The following RORA variants were observed in gnomAD, a reference collection of about 807,000 sequenced individuals.
RORA encodes the protein RAR related orphan receptor A, also known as nuclear receptor ROR-alpha.
RORA carries 7 observed loss-of-function variants against 69.5 expected under a neutral mutation model. The ratio of observed to expected loss-of-function variants is 0.10; its 90% CI spans 0.06 to 0.19. The LOEUF (loss-of-function observed/expected upper bound fraction) is 0.19. Ranked by LOEUF, RORA falls within the 10% of genes least tolerant of loss-of-function variation. The pLI, the probability that RORA is intolerant of heterozygous loss-of-function variation, is 1.00. For synonymous variants in RORA, 261 were observed against 240.8 expected, an observed-to-expected ratio of 1.08 and a Z score of -0.78; for missense variants, 457 against 663.0, an observed-to-expected ratio of 0.69 and a Z score of 3.41.
chr15:61,047,025 T>G (rs1897062964), intron 1 of RORA, among the ~76,000 whole-genome samples: 1 of 152,232 alleles, frequency 6.6e-6, no homozygotes, highest in South Asian at 2.1e-4. Flanking sequence ...ACCTAGTCCT[T>G]CATTTCTTAC....
intron 1 of RORA, among the ~76,000 whole-genome samples, chr15:61,078,966 G>C (rs1300695278): frequency 6.6e-6 from 1 of 152,130 alleles, no homozygotes; most frequent in Non-Finnish European, 1.5e-5. Context: ...AGAAAACCCA[G>C]AGTCCATATG....
intron 2 of RORA, among the ~76,000 whole-genome samples, chr15:60,649,581 A>G (rs1230983887): frequency 6.6e-6 from 1 of 152,228 alleles, no homozygotes; most frequent in African/African-American, 2.4e-5. Context: ...GTGTTGAAAC[A>G]CATTTGCCAG....
At chr15:60,792,161 A>C (rs1050649451) in intron 1 of RORA, among the ~76,000 whole-genome samples, 1 of 152,214 alleles carries the variant, frequency 6.6e-6, no homozygotes, top group Non-Finnish European at 1.5e-5. Context: ...TATAATGAAA[A>C]AAAATACTAC....
chr15:60,539,739 G>C (rs1305453605), intron 2 of RORA, among the ~76,000 whole-genome samples: 1 of 149,320 alleles, frequency 6.7e-6, no homozygotes, highest in South Asian at 2.1e-4. Flanking sequence ...TTTTCTTTTT[G>C]TTTTTCCTCT....
At chr15:61,023,048 C>T (rs1291071757) in intron 1 of RORA, among the ~76,000 whole-genome samples, 1 of 151,828 alleles carries the variant, frequency 6.6e-6, no homozygotes, top group Non-Finnish European at 1.5e-5. Context: ...ATTAGCTGGG[C>T]GTGGTGGCGG....
At chr15:61,035,514 A>G (rs1896412066) in intron 1 of RORA, among the ~76,000 whole-genome samples, 2 of 152,138 alleles carry the variant, frequency 1.3e-5, no homozygotes, top group Non-Finnish European at 2.9e-5. Context: ...TGAATCACAC[A>G]GCTGGGGTTA....
chr15:61,035,182 T>A (rs565407121), intron 1 of RORA, among the ~76,000 whole-genome samples: 1 of 152,310 alleles, frequency 6.6e-6, no homozygotes, highest in South Asian at 2.1e-4. Context: ...CAGCCCATAA[T>A]AGAAGGCTTT....
chr15:61,163,204 T>G (rs1459810359), intron 1 of RORA, among the ~76,000 whole-genome samples: 1 of 152,182 alleles, frequency 6.6e-6, no homozygotes, highest in Non-Finnish European at 1.5e-5. Context: ...CATCAGTTAC[T>G]TTAGTATCAA....
intron 1 of RORA, among the ~76,000 whole-genome samples, chr15:61,108,966 AG>A (rs1190537846): frequency 6.6e-6 from 1 of 152,170 alleles, no homozygotes; most frequent in Non-Finnish European, 1.5e-5. Flanking sequence ...TGGGAGGCCA[AG>A]GCAGGCAGAT....
intron 1 of RORA, among the ~76,000 whole-genome samples, chr15:61,077,493 G>A (rs1047491260): frequency 6.6e-6 from 1 of 152,012 alleles, no homozygotes; most frequent in African/African-American, 2.4e-5. Flanking sequence ...AACGTGAAAG[G>A]CAGAAACTGT....
intron 1 of RORA, among the ~76,000 whole-genome samples, chr15:61,122,580 T>C (rs2079113243): frequency 6.6e-6 from 1 of 152,168 alleles, no homozygotes; most frequent in Non-Finnish European, 1.5e-5. Context: ...AGATATGATC[T>C]CATAAATACC....
intron 2 of RORA, among the ~76,000 whole-genome samples, chr15:60,600,497 T>A (rs1234731305): frequency 1.3e-5 from 2 of 152,210 alleles, no homozygotes; most frequent in African/African-American, 4.8e-5. Flanking sequence ...TGACCAGAAG[T>A]CTATTCTCTG....
chr15:60,844,825 T>C (rs752879541), intron 1 of RORA, among the ~76,000 whole-genome samples: 179 of 152,182 alleles, frequency 1.2e-3, no homozygotes, highest in Non-Finnish European at 1.9e-3. Flanking sequence ...AGGGCTACAC[T>C]TGGGGAAACA....
intron 1 of RORA, among the ~76,000 whole-genome samples, chr15:61,132,799 C>G (rs2079202858): frequency 6.6e-6 from 1 of 152,144 alleles, no homozygotes; most frequent in Non-Finnish European, 1.5e-5. Flanking sequence ...AAACGCAGCC[C>G]ATAAATTTGG....
rs756568807 is a variant in RORA at position 60,511,913 on chromosome 15, G to A, written c.425-292C>T. On this transcript the variant is annotated intron_variant, in intron 4 of 10. Transcript: ENST00000335670. The surrounding 1 kb of genome is among the most constrained non-coding windows in gnomAD (Gnocchi z 6.4). ...CTGTTTCCCTGCTGTCACATCCCCC[G>A]TTTCCACTGCGCCCCACTGATAACT... 64 of 339,244 alleles carry A rather than the reference G, an allele frequency of 1.9e-4. No individual in the cohort carries two copies. The highest frequency in any genetic ancestry group is 3.4e-4 in the Non-Finnish European group (62 of 183,916). 21.0% of individuals were successfully genotyped at this position (339,244 alleles called of 1,614,324 possible).
intron 1 of RORA, among the ~76,000 whole-genome samples, chr15:61,074,414 C>T (rs541667442): frequency 1.6e-3 from 250 of 152,318 alleles, no homozygotes; most frequent in African/African-American, 5.8e-3. Flanking sequence ...AGCCAACAAT[C>T]CACTCAGTGA....
intron 1 of RORA, among the ~76,000 whole-genome samples, chr15:60,927,329 T>C (rs1318552029): frequency 6.6e-6 from 1 of 152,238 alleles, no homozygotes; most frequent in Non-Finnish European, 1.5e-5. Context: ...CTGTCATCTG[T>C]AATGTTCACT....
chr15:60,928,547 G>A (rs147789557), intron 1 of RORA, among the ~76,000 whole-genome samples: 14 of 152,134 alleles, frequency 9.2e-5, no homozygotes, highest in Non-Finnish European at 2.1e-4. Flanking sequence ...ATCAGAAGTG[G>A]AGAGGTTAAA....
intron 1 of RORA, among the ~76,000 whole-genome samples, chr15:60,911,045 G>T (rs1342284207): frequency 6.9e-6 from 1 of 144,042 alleles, no homozygotes; most frequent in African/African-American, 2.6e-5. Context: ...TGGGATTACA[G>T]GCGCCCACCA....
Sources: gnomAD v4.1 joint callset for allele counts (sites outside exome capture counted in the v4.1 genomes callset) on GRCh38, gnomAD v4.1.1 for gene constraint, Gnocchi (gnomAD v3.1) non-coding constraint, MANE v1.5 for transcripts, NCBI Gene and HGNC (gene_info 2026-07-23, HGNC 2026-07-21) for gene names.